The following DPP6 variants were observed in gnomAD, a reference collection of about 807,000 sequenced individuals.
DPP6 encodes the protein dipeptidyl peptidase like 6, also known as A-type potassium channel modulatory protein DPP6.
In DPP6, 69 loss-of-function variants were observed where a neutral mutation model predicts 122.6. The ratio of observed to expected loss-of-function variants is 0.56; its 90% CI spans 0.46 to 0.69. DPP6 has a LOEUF of 0.69. Among genes scored for constraint, DPP6 ranks in the 30% least tolerant of loss-of-function variants. The probability of loss-of-function intolerance (pLI) is 0.00; values close to 1 mark genes in which losing one functional copy is unlikely to be tolerated. For synonymous variants in DPP6, 418 were observed against 433.1 expected (o/e 0.97, Z 0.43); for missense variants, 928 against 1,116.9 (o/e 0.83, Z 2.41).
chr7:154,594,708 C>T (rs1316714925), intron 5 of DPP6, among the ~76,000 whole-genome samples: 2 of 152,188 alleles, frequency 1.3e-5, no homozygotes, highest in South Asian at 4.1e-4. Context: ...CCTTGGCACA[C>T]ACCACCTACC....
chr7:153,748,702 G>T, the DPP6 span, among the ~76,000 whole-genome samples: 1 of 113,090 alleles, frequency 8.8e-6, no homozygotes, highest in Non-Finnish European at 1.9e-5. Context: ...CGGAGCCGCT[G>T]GCGCCGGCCC....
chr7:154,806,917 C>G lies in DPP6; in HGVS notation c.1548-77C>G, dbSNP rs1798729755. The G allele has an allele frequency of 3.2e-6, 5 of 1,568,644 alleles. No homozygotes were observed. In the Admixed American group the frequency reaches 8.6e-5, roughly 27 times the overall value. The stretch of plus-strand genomic sequence containing the variant: ...CGCAGATCACCCTCATGGGGAGAGC[C>G]CACCAGCTTGCGGCACCCAGCGTGG... On this transcript the variant is annotated intron_variant, in intron 15 of 25. Transcript: ENST00000377770.
At chr7:154,166,585 C>T (rs1269395054) in intron 1 of DPP6, among the ~76,000 whole-genome samples, 1 of 149,488 alleles carries the variant, frequency 6.7e-6, no homozygotes, top group Non-Finnish European at 1.5e-5. Flanking sequence ...AAGCCAAAAC[C>T]CCAGTGTGGG....
intron 1 of DPP6, among the ~76,000 whole-genome samples, chr7:154,169,377 G>C (rs1458002549): frequency 6.6e-6 from 1 of 152,168 alleles, no homozygotes; most frequent in Admixed American, 6.5e-5. Context: ...GAGCTAGTAT[G>C]AATCAGGCAA....
chr7:154,301,801 T>G (rs1320240389), intron 1 of DPP6, among the ~76,000 whole-genome samples: 2 of 96,112 alleles, frequency 2.1e-5, no homozygotes, highest in Non-Finnish European at 3.8e-5. Context: ...TTTTTTTTTT[T>G]TTTTTTTTTT....
intron 3 of DPP6, chr7:154,475,926 CAG>C (rs1429072135): frequency 1.3e-5 from 2 of 152,250 alleles, no homozygotes; most frequent in African/African-American, 4.8e-5. Context: ...TCTGAGGTCA[CAG>C]AGCTGATGAG....
rs554416471 is a variant in DPP6, at chr7:154,892,746, G to A, written c.*266G>A. 4.3e-6 allele frequency: 3 copies of A among 696,998 alleles called. No individual in the cohort carries two copies. The highest frequency in any genetic ancestry group is 1.7e-5 in the African/African-American group (1 of 57,182). 43.2% of individuals were successfully genotyped at this position (696,998 alleles called of 1,614,324 possible). On this transcript the variant is annotated 3_prime_UTR_variant, in exon 26 of 26. Coordinates refer to ENST00000377770, the MANE Select transcript of DPP6 (RefSeq NM_130797.4). ...GGCGCCCGAGAGACCGGCACGCCAC[G>A]GCCCCTCCCCCAAGGAACAGAGCAA...
chr7:154,660,573 T>C (rs1837585673), intron 6 of DPP6, among the ~76,000 whole-genome samples: 1 of 138,934 alleles, frequency 7.2e-6, no homozygotes, highest in African/African-American at 2.9e-5. Flanking sequence ...CCATGGCGTA[T>C]CGGCCGTAGT....
At chr7:153,822,314 C>T in the DPP6 span, among the ~76,000 whole-genome samples, 33 of 151,542 alleles carry the variant, frequency 2.2e-4, no homozygotes, top group Middle Eastern at 3.2e-3. Context: ...TTCAGCCTCC[C>T]GAGTAGCTGG....
intron 2 of DPP6, among the ~76,000 whole-genome samples, chr7:154,465,154 G>A (rs1203619666): frequency 6.6e-6 from 1 of 152,170 alleles, no homozygotes; most frequent in Non-Finnish European, 1.5e-5. Context: ...CATGGGTAAG[G>A]AGGGGCCTAC....
At chr7:154,732,522 A>C (rs1330958253) in intron 8 of DPP6, among the ~76,000 whole-genome samples, 1 of 152,190 alleles carries the variant, frequency 6.6e-6, no homozygotes, top group Non-Finnish European at 1.5e-5. Context: ...TTGGAGGACA[A>C]CATCTTTCCT....
At chr7:154,811,661 TAAAC>T (rs563394516) in intron 16 of DPP6, among the ~76,000 whole-genome samples, 41 of 152,320 alleles carry the variant, frequency 2.7e-4, no homozygotes, top group South Asian at 8.3e-4. Flanking sequence ...CCTGATTTAA[TAAAC>T]AAAGATAATT....
At chr7:153,845,822 T>G in the DPP6 span, among the ~76,000 whole-genome samples, 1 of 152,158 alleles carries the variant, frequency 6.6e-6, no homozygotes, top group East Asian at 1.9e-4. Context: ...AACCATGACT[T>G]TAGACTATTT....
intron 1 of DPP6, among the ~76,000 whole-genome samples, chr7:154,157,053 A>G (rs1462621351): frequency 6.6e-6 from 1 of 152,242 alleles, no homozygotes; most frequent in East Asian, 1.9e-4. Flanking sequence ...TGGGATAATT[A>G]AATCCTGATG....
chr7:154,702,358 A>G (rs1409067339), intron 7 of DPP6, among the ~76,000 whole-genome samples: 1 of 152,292 alleles, frequency 6.6e-6, no homozygotes, highest in Admixed American at 6.5e-5. Context: ...GAGTAAGCTT[A>G]ATGAGGAAGG....
intron 1 of DPP6, among the ~76,000 whole-genome samples, chr7:154,328,969 T>G (rs1027820045): frequency 1.3e-5 from 2 of 152,244 alleles, no homozygotes; most frequent in African/African-American, 4.8e-5. Flanking sequence ...TGAAAAATGT[T>G]GCTAACTGTG....
At chr7:153,821,125 A>C in the DPP6 span, among the ~76,000 whole-genome samples, 1 of 152,354 alleles carries the variant, frequency 6.6e-6, no homozygotes, top group African/African-American at 2.4e-5. Flanking sequence ...ATATACATGG[A>C]TAACTTTAAT....
At chr7:154,590,659 C>A (rs901252839) in intron 5 of DPP6, among the ~76,000 whole-genome samples, 1 of 149,764 alleles carries the variant, frequency 6.7e-6, no homozygotes, top group Non-Finnish European at 1.5e-5. Context: ...CTCAGCCTCT[C>A]GAGTAGCTGG....
chr7:154,778,783 C>G (rs112772343), intron 10 of DPP6, among the ~76,000 whole-genome samples: 2 of 151,526 alleles, frequency 1.3e-5, no homozygotes, highest in Admixed American at 1.3e-4. Flanking sequence ...CCATCACCAC[C>G]ACCACCTCTG....
Sources: gnomAD v4.1 joint callset for allele counts (sites outside exome capture counted in the v4.1 genomes callset) on GRCh38, gnomAD v4.1.1 for gene constraint, MANE v1.5 for transcripts, NCBI Gene and HGNC (gene_info 2026-07-23, HGNC 2026-07-21) for gene names.